The following GRID1 variants were observed in gnomAD, a reference collection of about 807,000 sequenced individuals.
GRID1 encodes the protein glutamate ionotropic receptor delta type subunit 1.
In GRID1, 28 loss-of-function variants were observed where a neutral mutation model predicts 98.0. That is an observed-to-expected ratio of 0.29 (90% CI 0.21 to 0.39). The LOEUF is 0.39. Among genes scored for constraint, GRID1 ranks in the 10% least tolerant of loss-of-function variants. The probability of loss-of-function intolerance (pLI) is 1.00; values close to 1 mark genes in which losing one functional copy is unlikely to be tolerated. For missense variants in GRID1, 1,111 were observed against 1,340.5 expected (o/e 0.83, Z 2.67); for synonymous variants, 553 against 538.5 (o/e 1.03, Z -0.37).
chr10:86,022,577 A>G (rs1305454180), intron 4 of GRID1, among the ~76,000 whole-genome samples: 1 of 151,942 alleles, frequency 6.6e-6, no homozygotes, highest in Non-Finnish European at 1.5e-5. Context: ...TCTCTGTGAG[A>G]GGCTAGCTCA....
At chr10:85,910,465 C>T (rs1841521961) in intron 5 of GRID1, among the ~76,000 whole-genome samples, 1 of 152,108 alleles carries the variant, frequency 6.6e-6, no homozygotes, top group Non-Finnish European at 1.5e-5. Context: ...GGAGTGATGT[C>T]CCTGGACTGT....
chr10:85,975,512 A>G (rs918100011), intron 4 of GRID1, among the ~76,000 whole-genome samples: 4 of 152,228 alleles, frequency 2.6e-5, no homozygotes, highest in African/African-American at 9.6e-5. Context: ...TAAAAAAGCT[A>G]TAAGATGCTT....
intron 8 of GRID1, among the ~76,000 whole-genome samples, chr10:85,771,788 T>C (rs1225883876): frequency 6.6e-6 from 1 of 152,156 alleles, no homozygotes; most frequent in African/African-American, 2.4e-5. Flanking sequence ...TAAATATATA[T>C]GCACCCAATA....
intron 2 of GRID1, among the ~76,000 whole-genome samples, chr10:86,307,909 T>C (rs1847780311): frequency 1.3e-5 from 2 of 152,054 alleles, no homozygotes; most frequent in African/African-American, 4.8e-5. Context: ...GTTTGTGCAC[T>C]AAACATGAGA....
At chr10:86,196,390 T>G (rs930286870) in intron 3 of GRID1, among the ~76,000 whole-genome samples, 5 of 151,816 alleles carry the variant, frequency 3.3e-5, no homozygotes, top group East Asian at 1.9e-4. Context: ...CCTCAGGGAG[T>G]GCAATCACTC....
intron 4 of GRID1, among the ~76,000 whole-genome samples, chr10:86,010,564 A>C (rs1473290768): frequency 6.6e-6 from 1 of 152,122 alleles, no homozygotes; most frequent in African/African-American, 2.4e-5. Context: ...CATTCCTATA[A>C]TCCTAGCACT....
chr10:85,790,107 G>A (rs549971859), intron 8 of GRID1, among the ~76,000 whole-genome samples: 1 of 152,196 alleles, frequency 6.6e-6, no homozygotes, highest in Non-Finnish European at 1.5e-5. Flanking sequence ...ACTGCTGCAT[G>A]TTCCTGGGTC....
At position 86,208,107 on chromosome 10, in the gene GRID1, C is replaced by G. The variant is rs143512015; in HGVS notation, c.236-1459G>C. ...AAAAGGGGGAACTGACCCCAGGGAG[C>G]AAGGCAGTGGGAGGCAGGGGAACAT... On this transcript the variant is annotated intron_variant, in intron 2 of 15. Coordinates refer to ENST00000327946, the MANE Select transcript of GRID1 (RefSeq NM_017551.3). Among the ~76,000 whole-genome samples the G allele has an allele frequency of 6.4e-3, 973 of 152,220 alleles. 5 individuals are homozygous for G. Among genetic ancestry groups the G allele is most frequent in the Non-Finnish European group, 9.0e-3 (612 of 68,012 alleles).
At chr10:86,178,519 G>A (rs544809179) in intron 3 of GRID1, among the ~76,000 whole-genome samples, 19 of 152,278 alleles carry the variant, frequency 1.2e-4, no homozygotes, top group African/African-American at 4.6e-4. Context: ...CATTTCATGA[G>A]GGTGTTAGGC....
intron 13 of GRID1, 29 bp downstream of exon 13, chr10:85,647,173 C>A: frequency 6.9e-6 from 11 of 1,591,562 alleles, no homozygotes; most frequent in Non-Finnish European, 9.5e-6. Flanking sequence ...TGTTACAGTG[C>A]ACGTGCCCAA....
At chr10:86,347,107 A>G (rs1360645733) in intron 2 of GRID1, among the ~76,000 whole-genome samples, 1 of 118,374 alleles carries the variant, frequency 8.4e-6, no homozygotes, top group African/African-American at 3.3e-5. Context: ...GACATACCAC[A>G]GAGCTCAAAG....
intron 3 of GRID1, among the ~76,000 whole-genome samples, chr10:86,145,363 C>A (rs1173190496): frequency 6.6e-6 from 1 of 152,200 alleles, no homozygotes; most frequent in African/African-American, 2.4e-5. Context: ...GCTGGGATTA[C>A]AGACACCCGC....
chr10:86,278,440 A>C (rs1204538794), intron 2 of GRID1, among the ~76,000 whole-genome samples: 1 of 152,108 alleles, frequency 6.6e-6, no homozygotes, highest in African/African-American at 2.4e-5. Flanking sequence ...AAGCAAAAAA[A>C]ATGATAAAAT....
intron 12 of GRID1, among the ~76,000 whole-genome samples, chr10:85,652,758 C>T (rs143863995): frequency 4.6e-5 from 7 of 152,294 alleles, no homozygotes; most frequent in South Asian, 4.1e-4. Context: ...TCTTCCCCAG[C>T]GCCCCCCAGC....
At chr10:85,800,087 A>G (rs1031488730) in intron 8 of GRID1, among the ~76,000 whole-genome samples, 24 of 152,060 alleles carry the variant, frequency 1.6e-4, no homozygotes, top group African/African-American at 5.8e-4. Context: ...TCAAAAACAC[A>G]TATCTAATTC....
intron 4 of GRID1, among the ~76,000 whole-genome samples, chr10:86,044,160 A>G (rs542009206): frequency 2.6e-5 from 4 of 152,348 alleles, no homozygotes; most frequent in Admixed American, 2.6e-4. Flanking sequence ...GTTAAACTCC[A>G]TCCCCAGAGT....
chr10:85,926,438 G>A (rs1034141168), intron 4 of GRID1, among the ~76,000 whole-genome samples: 16 of 152,138 alleles, frequency 1.1e-4, no homozygotes, highest in Non-Finnish European at 1.2e-4. Flanking sequence ...TTCACTTTAA[G>A]ACAGCCCCTC....
intron 5 of GRID1, among the ~76,000 whole-genome samples, chr10:85,894,319 C>T (rs986751775): frequency 6.6e-6 from 1 of 151,932 alleles, no homozygotes; most frequent in Non-Finnish European, 1.5e-5. Flanking sequence ...AAAAATTAAC[C>T]GCCAATATAC....
At chr10:85,662,547 C>T (rs1342663392) in intron 12 of GRID1, among the ~76,000 whole-genome samples, 1 of 152,216 alleles carries the variant, frequency 6.6e-6, no homozygotes, top group Non-Finnish European at 1.5e-5. Context: ...CCGTAATACT[C>T]CTCCCCACCC....
Sources: allele counts gnomAD v4.1 joint callset (sites outside exome capture counted in the v4.1 genomes callset), GRCh38; gene constraint gnomAD v4.1.1; transcripts MANE v1.5; gene names NCBI Gene and HGNC (gene_info 2026-07-23, HGNC 2026-07-21).